Variants in NCOA7 observed in about 807,000 individuals in gnomAD.
NCOA7 encodes 140 kDa estrogen receptor-associated protein.
A neutral mutation model predicts 104.3 loss-of-function variants in NCOA7; 45 were observed. The observed-to-expected ratio is 0.43, with a 90% CI of 0.34 to 0.55. The LOEUF (loss-of-function observed/expected upper bound fraction) is 0.55, where lower values mean the gene tolerates loss of function less well. Among genes scored for constraint, NCOA7 ranks in the 20% least tolerant of loss-of-function variants. The probability of loss-of-function intolerance (pLI) is 0.02; values close to 1 mark genes in which losing one functional copy is unlikely to be tolerated. For synonymous variants in NCOA7, 398 were observed against 402.3 expected (o/e 0.99, Z 0.13); for missense variants, 1,041 against 1,119.7 (o/e 0.93, Z 1.00).
chr6:125,810,716 A>G (rs1481431983), intron 1 of NCOA7, among the ~76,000 whole-genome samples: 1 of 152,212 alleles, frequency 6.6e-6, no homozygotes, highest in Non-Finnish European at 1.5e-5. Flanking sequence ...TCATTTTTAT[A>G]GCATTCTCTA....
At chr6:125,852,783 A>G (rs924323867) in intron 2 of NCOA7, among the ~76,000 whole-genome samples, 3 of 152,140 alleles carry the variant, frequency 2.0e-5, no homozygotes, top group Non-Finnish European at 4.4e-5. Context: ...ATTTACATTT[A>G]TACAGGTACC....
At chr6:125,852,482 C>T (rs1057422915) in intron 2 of NCOA7, among the ~76,000 whole-genome samples, 9 of 152,090 alleles carry the variant, frequency 5.9e-5, no homozygotes, top group South Asian at 2.1e-4. Flanking sequence ...GGTGAGCCAC[C>T]GCGCCCAGCC....
intron 2 of NCOA7, among the ~76,000 whole-genome samples, chr6:125,845,315 G>A (rs1780512321): frequency 1.3e-5 from 2 of 152,186 alleles, no homozygotes; most frequent in South Asian, 4.1e-4. Context: ...AATTTACTAA[G>A]CTAGCTGGAC....
intron 1 of NCOA7, among the ~76,000 whole-genome samples, chr6:125,813,772 A>G (rs1333141058): frequency 6.6e-6 from 1 of 151,680 alleles, no homozygotes; most frequent in Non-Finnish European, 1.5e-5. Flanking sequence ...TTAACCTACA[A>G]CCTTAGTGTG....
chr6:125,848,054 C>T (rs529136305), intron 2 of NCOA7, among the ~76,000 whole-genome samples: 2 of 152,334 alleles, frequency 1.3e-5, no homozygotes, highest in East Asian at 3.9e-4. Flanking sequence ...AAAAAATGCT[C>T]ATCATCACTG....
At chr6:125,794,636 C>T in intron 1 of NCOA7, among the ~76,000 whole-genome samples, 1 of 152,152 alleles carries the variant, frequency 6.6e-6, no homozygotes, top group East Asian at 1.9e-4. Context: ...TTTTGATGAA[C>T]AAGTTTAATG....
At chr6:125,857,439 ATAT>A (rs745447686) in intron 3 of NCOA7, among the ~76,000 whole-genome samples, 9,065 of 123,906 alleles carry the variant, frequency 0.073, 320 homozygotes, top group African/African-American at 0.098. Flanking sequence ...ATATATATAT[ATAT>A]TTTTTTTTTT....
chr6:125,789,538 C>A (rs1457934013), upstream of NCOA7, among the ~76,000 whole-genome samples: 6 of 152,174 alleles, frequency 3.9e-5, no homozygotes, highest in South Asian at 2.1e-4. Context: ...ACTTTAGGAA[C>A]CTAATTTTCC....
chr6:125,905,926 G>A (rs547322966), intron 10 of NCOA7, among the ~76,000 whole-genome samples: 2 of 152,142 alleles, frequency 1.3e-5, no homozygotes, highest in East Asian at 1.9e-4. Flanking sequence ...TCAGCCACCC[G>A]AGTAGCTGGG....
chr6:125,793,495 T>C (rs575339495), intron 1 of NCOA7, among the ~76,000 whole-genome samples: 1 of 152,312 alleles, frequency 6.6e-6, no homozygotes, highest in Admixed American at 6.5e-5. Flanking sequence ...CTGTGTGTCC[T>C]ACAACCAAAT....
chr6:125,853,502 C>T (rs1304639563), intron 2 of NCOA7, among the ~76,000 whole-genome samples: 1 of 152,140 alleles, frequency 6.6e-6, no homozygotes, highest in East Asian at 1.9e-4. Flanking sequence ...TCATCTATGA[C>T]TTTTCCTCTG....
chr6:125,841,284 G>T (rs1017271634), intron 2 of NCOA7, among the ~76,000 whole-genome samples: 3 of 152,020 alleles, frequency 2.0e-5, no homozygotes, highest in African/African-American at 2.4e-5. Context: ...GTACAGTTTT[G>T]TAGCCTAGTA....
At chr6:125,815,219 C>T in intron 1 of NCOA7, 72 bp from the exon 2 acceptor site, 1 of 561,366 alleles carries the variant, frequency 1.8e-6, no homozygotes, top group South Asian at 3.0e-5. Flanking sequence ...TGTAGTTCTA[C>T]TCCATTTTAT....
At chr6:125,916,750 T>C (rs1787123043) in intron 11 of NCOA7, among the ~76,000 whole-genome samples, 2 of 152,182 alleles carry the variant, frequency 1.3e-5, no homozygotes, top group Admixed American at 1.3e-4. Context: ...TTTCTGCTCC[T>C]AGGCAGCCAA....
intron 2 of NCOA7, among the ~76,000 whole-genome samples, chr6:125,826,432 CCTT>C (rs1195903090): frequency 6.6e-6 from 1 of 151,836 alleles, no homozygotes; most frequent in Non-Finnish European, 1.5e-5. Flanking sequence ...ATCTTTACCT[CCTT>C]CTTCCTATTT....
intron 3 of NCOA7, among the ~76,000 whole-genome samples, chr6:125,871,662 C>T (rs751984595): frequency 6.6e-6 from 1 of 152,136 alleles, no homozygotes; most frequent in Non-Finnish European, 1.5e-5. Context: ...TCAAACTCAT[C>T]AGGCTTATTC....
intron 10 of NCOA7, among the ~76,000 whole-genome samples, chr6:125,911,790 G>A (rs975346414): frequency 3.3e-5 from 5 of 152,124 alleles, no homozygotes; most frequent in Non-Finnish European, 5.9e-5. Flanking sequence ...CTCATGGCTC[G>A]TACTGGGGGA....
intron 3 of NCOA7, among the ~76,000 whole-genome samples, chr6:125,867,256 A>G (rs562987007): frequency 6.6e-6 from 1 of 152,352 alleles, no homozygotes; most frequent in East Asian, 1.9e-4. Flanking sequence ...TTCTTTACAC[A>G]GACAATTATG....
At chr6:125,788,497 A>G (rs1774572079), upstream of NCOA7, among the ~76,000 whole-genome samples, 2 of 152,108 alleles carry the variant, frequency 1.3e-5, no homozygotes, top group African/African-American at 4.8e-5. Flanking sequence ...AGAGGAGTTC[A>G]TAAAGATGGA....
Sources: gnomAD v4.1 joint callset for allele counts (sites outside exome capture counted in the v4.1 genomes callset) on GRCh38, gnomAD v4.1.1 for gene constraint, MANE v1.5 for transcripts, NCBI Gene and HGNC (gene_info 2026-07-23, HGNC 2026-07-21) for gene names.